The following GALC variants were observed in gnomAD, a reference collection of about 807,000 sequenced individuals.
GALC encodes galactocerebrosidase.
GALC carries 77 observed loss-of-function variants against 91.8 expected under a neutral mutation model. The ratio of observed to expected loss-of-function variants is 0.84; its 90% CI spans 0.70 to 1.01. GALC has a LOEUF of 1.01. Ranked by LOEUF, GALC falls within the 50% of genes least tolerant of loss-of-function variation. The probability of loss-of-function intolerance (pLI) is 0.00; values close to 1 mark genes in which losing one functional copy is unlikely to be tolerated. For missense variants in GALC, 882 were observed against 855.9 expected (o/e 1.03, Z -0.38); for synonymous variants, 357 against 306.7 (o/e 1.16, Z -1.71).
chr14:87,988,137 C>A lies in GALC; in HGVS notation c.328+7G>T. 6.2e-7 allele frequency: 1 copy of A among 1,611,484 alleles called. No individual in the cohort carries two copies. Among genetic ancestry groups the A allele is most frequent in the Non-Finnish European group, 8.5e-7 (1 of 1,177,766 alleles). The stretch of plus-strand genomic sequence containing the variant: ...TGGGAGAAATCCTATCTCCCAAATT[C>A]TCCTACCTGTTGTCTGCCCATCACC... On this transcript the variant is annotated splice_region_variant and intron_variant, in intron 3 of 16. Transcript: ENST00000261304.
intron 7 of GALC, among the ~76,000 whole-genome samples, chr14:87,972,966 T>C (rs537012829): frequency 6.6e-6 from 1 of 152,114 alleles, no homozygotes; most frequent in African/African-American, 2.4e-5. Context: ...AATGGTAAAG[T>C]GTATACAACA....
intron 10 of GALC, among the ~76,000 whole-genome samples, chr14:87,955,784 T>C (rs980472348): frequency 2.0e-5 from 3 of 151,750 alleles, no homozygotes; most frequent in Non-Finnish European, 4.4e-5. Context: ...AGGATTTGAG[T>C]GCCTTACTGA....
chr14:87,983,669 C>G (rs1886842295), intron 5 of GALC, among the ~76,000 whole-genome samples: 1 of 152,164 alleles, frequency 6.6e-6, no homozygotes. Context: ...TGGAGACCCA[C>G]TATGTGTGTG....
chr14:87,968,324 T>A lies in GALC; in HGVS notation c.908+11A>T, dbSNP rs767609704. 1.2e-6 allele frequency: 2 copies of A among 1,603,272 alleles called. No individual in the cohort carries two copies. Among genetic ancestry groups the A allele is most frequent in the East Asian group, 4.5e-5 (2 of 44,802 alleles). On this transcript the variant is annotated intron_variant, in intron 8 of 16. Transcript: ENST00000261304. ...TTTGATAAGAACTCTAAAAGGTTTT[T>A]AATAACTTACGAAGTCATATAGCCA...
chr14:87,943,200 C>T (rs1884928204), intron 14 of GALC, among the ~76,000 whole-genome samples: 1 of 151,948 alleles, frequency 6.6e-6, no homozygotes, highest in Non-Finnish European at 1.5e-5. Context: ...CAAAAACTAG[C>T]CAATACATAA....
chr14:87,966,018 A>AG (rs1222849621), intron 8 of GALC, among the ~76,000 whole-genome samples: 2 of 152,176 alleles, frequency 1.3e-5, no homozygotes, highest in Non-Finnish European at 2.9e-5. Flanking sequence ...TTAATGCCCC[A>AG]GTTTTATGAC....
At chr14:87,965,437 T>C in intron 9 of GALC, 68 bp downstream of exon 9, 1 of 1,525,410 alleles carries the variant, frequency 6.6e-7, no homozygotes, top group Non-Finnish European at 9.1e-7. Context: ...TATAATCTTC[T>C]CTAAGTTTTT....
chr14:87,941,073 G>A (rs1884815372), intron 15 of GALC, among the ~76,000 whole-genome samples: 1 of 151,840 alleles, frequency 6.6e-6, no homozygotes, highest in Admixed American at 6.6e-5. Context: ...TGCCTCCTGA[G>A]CATTCTCTCC....
At position 87,965,648 on chromosome 14, in the gene GALC, A is replaced by G. The variant is rs778753737; in HGVS notation, c.909-19T>C. Reference sequence around the variant, plus strand: ...GATTGTGCTAAAAGATTTGATAAAAAAGAAACACCAAGACAACTTGTGATA... The same window carrying G: ...GATTGTGCTAAAAGATTTGATAAAAGAGAAACACCAAGACAACTTGTGATA... On this transcript the variant is annotated intron_variant, in intron 8 of 16. Coordinates refer to ENST00000261304, the MANE Select transcript of GALC (RefSeq NM_000153.4). 1 of 1,612,526 alleles carries G rather than the reference A, an allele frequency of 6.2e-7. No individual in the cohort carries two copies. Among genetic ancestry groups the G allele is most frequent in the South Asian group, 1.1e-5 (1 of 91,042 alleles).
At chr14:87,949,558 G>A (rs932038112) in intron 12 of GALC, among the ~76,000 whole-genome samples, 1 of 151,862 alleles carries the variant, frequency 6.6e-6, no homozygotes, top group Non-Finnish European at 1.5e-5. Context: ...AGAATAAGGA[G>A]TGAGTAAGAG....
At chr14:87,989,935 T>C (rs1887129262) in intron 1 of GALC, among the ~76,000 whole-genome samples, 1 of 152,202 alleles carries the variant, frequency 6.6e-6, no homozygotes. Context: ...TCACACCTTC[T>C]ACCTAGATGT....
At chr14:87,976,806 G>C (rs1886513229) in intron 6 of GALC, 18 of 342,344 alleles carry the variant, frequency 5.3e-5, no homozygotes, top group South Asian at 4.3e-4. Context: ...AGCAGAGACA[G>C]GGTTTCGCCA....
chr14:87,986,586 G>A lies in GALC; in HGVS notation c.345C>T (p.Ser115=). ...DGQTTDGTEP[S]HMHYALDENY... is the part of the protein sequence containing the mutation. Reference sequence around the variant, plus strand: ...TCTCATCTAGTGCATAATGCATGTGGGAGGGCTCAGTGCCGTCTGAATAGA... The same window carrying A: ...TCTCATCTAGTGCATAATGCATGTGAGAGGGCTCAGTGCCGTCTGAATAGA... The change falls in exon 4 of 17, where the codon TCC becomes TCT. Residue 115 remains serine, a synonymous_variant. Coordinates refer to ENST00000261304, the MANE Select transcript of GALC (RefSeq NM_000153.4). 1.9e-6 allele frequency: 3 copies of A among 1,612,364 alleles called. No homozygotes were observed. Among genetic ancestry groups the A allele is most frequent in the South Asian group, 1.1e-5 (1 of 91,028 alleles).
chr14:87,948,029 G>T, intron 12 of GALC, 151 bp from the exon 13 acceptor site: 1 of 654,452 alleles, frequency 1.5e-6, no homozygotes, highest in Non-Finnish European at 2.6e-6. Flanking sequence ...CCAATATCAA[G>T]GCCCTTGGAA....
intron 7 of GALC, 90 bp downstream of exon 7, chr14:87,976,268 A>C: frequency 7.2e-7 from 1 of 1,387,226 alleles, no homozygotes; most frequent in Non-Finnish European, 1.0e-6. Context: ...CTGAGAATGT[A>C]ATCAAATGGG....
At chr14:87,981,059 A>G (rs1886726751) in intron 6 of GALC, 1 of 152,190 alleles carries the variant, frequency 6.6e-6, no homozygotes. Context: ...TAGCCCAAAA[A>G]CCCATCAATC....
intron 7 of GALC, among the ~76,000 whole-genome samples, chr14:87,975,782 A>G (rs1886468049): frequency 6.6e-6 from 1 of 152,092 alleles, no homozygotes; most frequent in Admixed American, 6.6e-5. Context: ...ACACAAACAT[A>G]CATATCCTAT....
In GALC at chr14:87,993,032, G is replaced by A. The variant is rs1340378035; in HGVS notation, c.133C>T (p.Leu45Phe). 6.4e-7 allele frequency: 1 copy of A among 1,553,782 alleles called. No individual in the cohort carries two copies. The highest frequency in any genetic ancestry group is 1.2e-5 in the South Asian group (1 of 85,118). The change falls in exon 1 of 17, where the codon CTC becomes TTC. Residue 45 changes from leucine (L) to phenylalanine (F), a missense_variant. Physicochemically the swap from Leu to Phe is conservative, Grantham distance 22 (BLOSUM62 0). Coordinates refer to ENST00000261304, the MANE Select transcript of GALC (RefSeq NM_000153.4). ...ALLAPGGAYV[L>F]DDSDGLGREF... is the part of the protein sequence containing the mutation. ...CGGCCCAGCCCGTCGGAGTCGTCGA[G>A]CACGTACGCGCCGCCGGGCGCCAGC... is the stretch of plus-strand genomic sequence containing the variant.
rs1205349619 is a variant in GALC, at chr14:87,975,290, AAG to A, written c.752+1066_752+1067del. Among the ~76,000 whole-genome samples the A allele has an allele frequency of 3.9e-5, 6 of 152,270 alleles. No homozygotes were observed. In the South Asian group the frequency reaches 1.2e-3, roughly 31 times the overall value. On this transcript the variant is annotated intron_variant, in intron 7 of 16. Coordinates refer to ENST00000261304, the MANE Select transcript of GALC (RefSeq NM_000153.4). ...TCTTCAACAAATTAAAAGAAAGAAA[AAG>A]AGCAAGAACATAAAGATTAGAATAG...
Sources: allele counts gnomAD v4.1 joint callset (sites outside exome capture counted in the v4.1 genomes callset), GRCh38; gene constraint gnomAD v4.1.1; transcripts MANE v1.5; gene names NCBI Gene and HGNC (gene_info 2026-07-23, HGNC 2026-07-21).